The following CBLB variants were observed in gnomAD, a reference collection of about 807,000 sequenced individuals.
The protein encoded by CBLB is E3 ubiquitin-protein ligase CBL-B.
Under a neutral mutation model 104.9 loss-of-function variants are expected in CBLB, and 31 were observed. That is an observed-to-expected ratio of 0.30 (90% confidence interval 0.22 to 0.40). CBLB has a LOEUF of 0.40. CBLB is among the 10% of genes least tolerant of loss of function. The probability of loss-of-function intolerance (pLI) is 1.00; values close to 1 mark genes in which losing one functional copy is unlikely to be tolerated. For missense variants in CBLB, 1,062 were observed against 1,214.6 expected (o/e 0.87, Z 1.87); for synonymous variants, 440 against 422.6 (o/e 1.04, Z -0.51).
intron 2 of CBLB, among the ~76,000 whole-genome samples, chr3:105,860,633 ATCTCCTTCT>A (rs1020211248): frequency 5.9e-5 from 9 of 152,212 alleles, no homozygotes; most frequent in Non-Finnish European, 1.3e-4. Flanking sequence ...AGTTAGCCCT[ATCTCCTTCT>A]TAATATTTCT....
At position 105,776,515 on chromosome 3, in the gene CBLB, G is replaced by C; in HGVS notation, c.447C>G (p.Ile149Met). 3 of 1,613,836 alleles carry C rather than the reference G, an allele frequency of 1.9e-6. No individual in the cohort carries two copies. The highest frequency in any genetic ancestry group is 2.5e-6 in the Non-Finnish European group (3 of 1,179,894). The change falls in exon 4 of 19, where the codon ATC (isoleucine) becomes ATG (methionine). Residue 149 changes from isoleucine (I) to methionine (M), a missense_variant. Ile to Met is a conservative substitution (Grantham distance 10, BLOSUM62 1). Transcript: ENST00000394030. ...DRRNLTKLSL[I>M]FSHMLAEIKA... Reference sequence around the variant, plus strand: ...TGATTTCTGCCAGCATGTGACTGAAGATAAGGGACAGTTTTGTGAGATTTC... The same window carrying C: ...TGATTTCTGCCAGCATGTGACTGAACATAAGGGACAGTTTTGTGAGATTTC...
chr3:105,676,767 C>T (rs1334463027), intron 17 of CBLB, among the ~76,000 whole-genome samples: 11 of 152,172 alleles, frequency 7.2e-5, no homozygotes, highest in South Asian at 2.1e-4. Flanking sequence ...GTAATCCCCA[C>T]GTGTTAGGGA....
chr3:105,744,556 A>G (rs1054220458), intron 6 of CBLB, among the ~76,000 whole-genome samples: 1 of 152,198 alleles, frequency 6.6e-6, no homozygotes, highest in Non-Finnish European at 1.5e-5. Flanking sequence ...TACACTATAT[A>G]AATTCTTAAA....
chr3:105,848,904 G>GC (rs1383420263), intron 3 of CBLB, among the ~76,000 whole-genome samples: 1 of 152,032 alleles, frequency 6.6e-6, no homozygotes, highest in Non-Finnish European at 1.5e-5. Flanking sequence ...ATACTTTGTT[G>GC]CCTAACTACC....
chr3:105,866,223 A>G (rs1400779213), intron 2 of CBLB, among the ~76,000 whole-genome samples: 1 of 152,224 alleles, frequency 6.6e-6, no homozygotes, highest in East Asian at 1.9e-4. Context: ...CCAGTCATTC[A>G]TCTGTGTGTC....
At chr3:105,686,721 C>T (rs1276077763) in intron 13 of CBLB, among the ~76,000 whole-genome samples, 4 of 151,916 alleles carry the variant, frequency 2.6e-5, no homozygotes, top group African/African-American at 9.7e-5. Flanking sequence ...TAAGATTTTT[C>T]AAGTGTATGT....
At position 105,843,787 on chromosome 3, in the gene CBLB, G is replaced by A. The variant is rs149195464; in HGVS notation, c.419+9627C>T. ...ACAAAAAATAATTACAAGTAATTTT[G>A]TTTGCTATTATATTCTATTAATCCA... On this transcript the variant is annotated intron_variant, in intron 3 of 18. Coordinates refer to ENST00000394030, the MANE Select transcript of CBLB (RefSeq NM_170662.5). Among the ~76,000 whole-genome samples the A allele has an allele frequency of 1.6e-3, 248 of 152,100 alleles. 1 individual carries two copies. The highest frequency in any genetic ancestry group is 5.8e-3 in the African/African-American group (240 of 41,506).
upstream of CBLB, chr3:105,869,267 C>A: frequency 4.8e-6 from 4 of 826,704 alleles, no homozygotes; most frequent in South Asian, 5.6e-5. Context: ...GGGGCCTGGA[C>A]TCTCCCGGGA....
intron 13 of CBLB, among the ~76,000 whole-genome samples, chr3:105,688,860 G>A (rs1400039075): frequency 6.6e-6 from 1 of 152,050 alleles, no homozygotes; most frequent in East Asian, 1.9e-4. Flanking sequence ...TTTAAGATAA[G>A]CTTTACTTAT....
At chr3:105,696,232 T>C (rs1444628636) in intron 12 of CBLB, among the ~76,000 whole-genome samples, 1 of 151,708 alleles carries the variant, frequency 6.6e-6, no homozygotes, top group Non-Finnish European at 1.5e-5. Flanking sequence ...TAGATTGAGA[T>C]AGCAAAGGAC....
At chr3:105,814,067 T>C (rs541586665) in intron 3 of CBLB, among the ~76,000 whole-genome samples, 3 of 152,296 alleles carry the variant, frequency 2.0e-5, no homozygotes, top group African/African-American at 7.2e-5. Context: ...TGTTTAATTC[T>C]TTCTAATGAA....
chr3:105,773,400 A>G (rs1242322320), intron 4 of CBLB, among the ~76,000 whole-genome samples: 2 of 152,120 alleles, frequency 1.3e-5, no homozygotes, highest in African/African-American at 4.8e-5. Context: ...AGGGTGAGAG[A>G]GGGGTAAGGG....
chr3:105,701,519 T>A (rs971945195), intron 12 of CBLB, among the ~76,000 whole-genome samples: 3 of 152,154 alleles, frequency 2.0e-5, no homozygotes, highest in African/African-American at 7.2e-5. Flanking sequence ...TCCCAGCACT[T>A]TGGGAGGCTG....
intron 3 of CBLB, among the ~76,000 whole-genome samples, chr3:105,783,511 T>C (rs2080549040): frequency 6.6e-6 from 1 of 152,210 alleles, no homozygotes; most frequent in Non-Finnish European, 1.5e-5. Flanking sequence ...GGGCAAGTAT[T>C]TGATACAGTC....
chr3:105,667,357 G>A (rs1369214583), intron 18 of CBLB, among the ~76,000 whole-genome samples: 1 of 152,086 alleles, frequency 6.6e-6, no homozygotes, highest in Non-Finnish European at 1.5e-5. Context: ...CTTACAACAA[G>A]AGAAAAGCAA....
chr3:105,805,827 G>A (rs1273617030), intron 3 of CBLB, among the ~76,000 whole-genome samples: 1 of 151,792 alleles, frequency 6.6e-6, no homozygotes, highest in African/African-American at 2.4e-5. Context: ...ATCAGTAGTA[G>A]GACATTAATT....
In CBLB at chr3:105,821,247, G is replaced by GATATCT. The variant is rs751935711; in HGVS notation, c.419+32161_419+32166dup. On this transcript the variant is annotated intron_variant, in intron 3 of 18. Coordinates refer to ENST00000394030, the MANE Select transcript of CBLB (RefSeq NM_170662.5). ...TACAATCCTGGTCCTTTAAAGATCA[G>GATATCT]ATATCTATATCTATATCTATCTATC... is the stretch of plus-strand genomic sequence containing the variant. Among the ~76,000 whole-genome samples, 12 of 127,562 alleles carry GATATCT rather than the reference G, an allele frequency of 9.4e-5. No individual in the cohort carries two copies. In the South Asian group the frequency reaches 1.1e-3, roughly 12 times the overall value. 83.7% of individuals were successfully genotyped at this position (127,562 alleles called of 152,430 possible).
rs150919735 is a variant in CBLB at position 105,726,545 on chromosome 3, C to CT, written c.1204-6296dup. On this transcript the variant is annotated intron_variant, in intron 9 of 18. Transcript: ENST00000394030. ...ATTCAGGAGCTCAAAAGCCATTTTC[C>CT]TTTTTTTTTTTTTTCTTTTATTATA... Among the ~76,000 whole-genome samples the CT allele has an allele frequency of 3.5e-3, 488 of 141,144 alleles. 2 individuals are homozygous for CT. Among genetic ancestry groups the CT allele is most frequent in the African/African-American group, 5.5e-3 (211 of 38,648 alleles). 92.6% of individuals were successfully genotyped at this position (141,144 alleles called of 152,430 possible).
At chr3:105,855,286 T>G (rs2091456330) in intron 2 of CBLB, among the ~76,000 whole-genome samples, 1 of 151,948 alleles carries the variant, frequency 6.6e-6, no homozygotes. Context: ...GAGAAGAAGG[T>G]CAAAGAGTAC....
Sources: gnomAD v4.1 joint callset for allele counts (sites outside exome capture counted in the v4.1 genomes callset) on GRCh38, gnomAD v4.1.1 for gene constraint, MANE v1.5 for transcripts, NCBI Gene and HGNC (gene_info 2026-07-23, HGNC 2026-07-21) for gene names.